The following MEF2C variants were observed in gnomAD, a reference collection of about 807,000 sequenced individuals.
MEF2C encodes the protein myocyte enhancer factor 2C.
A neutral mutation model predicts 50.5 loss-of-function variants in MEF2C; 6 were observed. The ratio of observed to expected loss-of-function variants is 0.12; its 90% CI spans 0.07 to 0.23. MEF2C has a LOEUF of 0.23. MEF2C is among the 10% of genes least tolerant of loss of function. The pLI is 1.00. For missense variants in MEF2C, 276 were observed against 605.0 expected (o/e 0.46, Z 5.70); for synonymous variants, 183 against 228.0 (o/e 0.80, Z 1.78).
intron 1 of MEF2C, among the ~76,000 whole-genome samples, chr5:88,849,879 C>T (rs1820656194): frequency 6.6e-6 from 1 of 152,084 alleles, no homozygotes; most frequent in Non-Finnish European, 1.5e-5. Flanking sequence ...AAATCTATTT[C>T]CTAGACCTTC....
rs370892287 is a variant in MEF2C at position 88,834,933 on chromosome 5, T to C, written c.-142-11003A>G. On this transcript the variant is annotated intron_variant, in intron 1 of 10. Transcript: ENST00000504921. ...AACTCAATTTCATACACTAATTGTG[T>C]AAACTTGCTTCCTTCACTGATATTA... 5.3e-5 allele frequency among the ~76,000 whole-genome samples: 8 copies of C among 152,198 alleles called. No individual in the cohort carries two copies. The East Asian group carries it at 1.3e-3, about 26-fold the overall frequency.
At chr5:88,900,003 T>C (rs1835480697) in intron 1 of MEF2C, among the ~76,000 whole-genome samples, 1 of 152,112 alleles carries the variant, frequency 6.6e-6, no homozygotes, top group Non-Finnish European at 1.5e-5. Flanking sequence ...CTTTTTCTTA[T>C]TAATTTACAT....
At chr5:88,730,485 C>T (rs920597224) in intron 7 of MEF2C, among the ~76,000 whole-genome samples, 1 of 152,068 alleles carries the variant, frequency 6.6e-6, no homozygotes, top group Non-Finnish European at 1.5e-5. Context: ...ATTATTTCAT[C>T]ACTTCATTTT....
chr5:88,793,384 T>C (rs1794661862), intron 3 of MEF2C, among the ~76,000 whole-genome samples: 2 of 151,780 alleles, frequency 1.3e-5, no homozygotes, highest in African/African-American at 4.8e-5. Context: ...GGCTGAAGAG[T>C]AAGAGAAATA....
rs559493813 is a variant in MEF2C at position 88,869,507 on chromosome 5, G to C, written c.-143+13448C>G. Among the ~76,000 whole-genome samples the C allele has an allele frequency of 3.4e-3, 520 of 150,892 alleles. 4 individuals carry two copies. Among genetic ancestry groups the C allele is most frequent in the Non-Finnish European group, 5.5e-3 (369 of 67,626 alleles). ...TACCTTTTTAAAGCCTTCAATTCTGGGAGATATTTAAATACCATGAACTGT... is the reference window on the plus strand; with the variant it reads ...TACCTTTTTAAAGCCTTCAATTCTGCGAGATATTTAAATACCATGAACTGT... On this transcript the variant is annotated intron_variant, in intron 1 of 10. Transcript: ENST00000504921.
chr5:88,831,062 T>C (rs917883334), intron 1 of MEF2C, among the ~76,000 whole-genome samples: 3 of 152,128 alleles, frequency 2.0e-5, no homozygotes, highest in African/African-American at 7.2e-5. Flanking sequence ...AGGCATCTCA[T>C]GACCCTGTTA....
chr5:88,899,727 A>T (rs997298108), intron 1 of MEF2C, among the ~76,000 whole-genome samples: 1 of 152,132 alleles, frequency 6.6e-6, no homozygotes, highest in African/African-American at 2.4e-5. Context: ...CTAGAAATGG[A>T]TGCTATTTAC....
intron 2 of MEF2C, among the ~76,000 whole-genome samples, chr5:88,807,727 A>G (rs900722291): frequency 2.0e-5 from 3 of 152,218 alleles, no homozygotes; most frequent in African/African-American, 7.2e-5. Context: ...AAGAAGAACT[A>G]GCAAAATATA....
intron 1 of MEF2C, among the ~76,000 whole-genome samples, chr5:88,895,912 C>T (rs1417787098): frequency 1.3e-5 from 2 of 152,192 alleles, no homozygotes; most frequent in Non-Finnish European, 1.5e-5. Flanking sequence ...TTTAAATGAA[C>T]CTCTCTTCAA....
chr5:88,891,822 G>T (rs1834610071), intron 1 of MEF2C, among the ~76,000 whole-genome samples: 2 of 151,980 alleles, frequency 1.3e-5, no homozygotes, highest in African/African-American at 4.8e-5. Context: ...GTTTTGTTTT[G>T]TTCTGTCTTT....
At chr5:88,884,482 T>C (rs1005393605), upstream of MEF2C, 7 of 152,166 alleles carry the variant, frequency 4.6e-5, no homozygotes, top group African/African-American at 1.4e-4. Context: ...AATAATAAAA[T>C]AATTACCAGT....
At chr5:88,821,005 T>C (rs1808068723) in intron 2 of MEF2C, among the ~76,000 whole-genome samples, 1 of 151,974 alleles carries the variant, frequency 6.6e-6, no homozygotes, top group South Asian at 2.1e-4. Context: ...GTATTGAACT[T>C]ACAGGCCTAC....
chr5:88,887,363 A>ATAAAGTGTATGGTGGTC (rs2150183523), upstream of MEF2C: 1 of 152,354 alleles, frequency 6.6e-6, no homozygotes, highest in Non-Finnish European at 1.5e-5. Context: ...TGCTTATAAT[A>ATAAAGTGTATGGTGGTC]TAAAGTGTAT....
intron 3 of MEF2C, among the ~76,000 whole-genome samples, chr5:88,798,716 A>G (rs977464444): frequency 1.3e-5 from 2 of 152,070 alleles, no homozygotes; most frequent in Non-Finnish European, 2.9e-5. Context: ...GGAGGAGAAG[A>G]GGCATTCTGG....
chr5:88,729,764 TG>T (rs1760643206), intron 8 of MEF2C, among the ~76,000 whole-genome samples: 1 of 152,160 alleles, frequency 6.6e-6, no homozygotes, highest in Non-Finnish European at 1.5e-5. Context: ...TAGGGGCTCA[TG>T]TTATATTTTG....
chr5:88,746,443 T>A, intron 6 of MEF2C: 2 of 705,154 alleles, frequency 2.8e-6, no homozygotes, highest in Non-Finnish European at 3.4e-6. Context: ...CCCTCTCACT[T>A]TTTTTTTTTT....
rs141446179 is a variant in MEF2C, at chr5:88,761,123, T to C, written c.402+62A>G. On this transcript the variant is annotated intron_variant, in intron 4 of 10. Coordinates refer to ENST00000504921, the MANE Select transcript of MEF2C (RefSeq NM_002397.5). ...AGCCTTTGTTTTCTTTCTTGTTCAA[T>C]GCCTGCCAGGTTCAGAGAAATATCA... 6.1e-5 allele frequency: 99 copies of C among 1,614,024 alleles called. No individual in the cohort carries two copies. In the East Asian group the frequency reaches 2.2e-3, roughly 35 times the overall value.
At chr5:88,827,628 T>C (rs1381303242) in intron 1 of MEF2C, among the ~76,000 whole-genome samples, 1 of 151,964 alleles carries the variant, frequency 6.6e-6, no homozygotes, top group East Asian at 1.9e-4. Flanking sequence ...TAGTGTTTTA[T>C]TATGATTGCT....
At chr5:88,800,280 A>G (rs1455618896) in intron 3 of MEF2C, among the ~76,000 whole-genome samples, 1 of 152,156 alleles carries the variant, frequency 6.6e-6, no homozygotes, top group African/African-American at 2.4e-5. Flanking sequence ...AAAACACATG[A>G]CCTGGCTGAA....
Sources: allele counts gnomAD v4.1 joint callset (sites outside exome capture counted in the v4.1 genomes callset), GRCh38; gene constraint gnomAD v4.1.1; transcripts MANE v1.5; gene names NCBI Gene and HGNC (gene_info 2026-07-23, HGNC 2026-07-21).